Variants in DDAH1 observed in about 807,000 individuals in gnomAD.
DDAH1 encodes dimethylarginine dimethylaminohydrolase 1.
Under a neutral mutation model 28.8 loss-of-function variants are expected in DDAH1, and 19 were observed. That is an observed-to-expected ratio of 0.66 (90% CI 0.46 to 0.97). The LOEUF (loss-of-function observed/expected upper bound fraction) is 0.97. Ranked by LOEUF, DDAH1 falls within the 50% of genes least tolerant of loss-of-function variation. The pLI is 0.00. For missense variants in DDAH1, 326 were observed against 375.9 expected (o/e 0.87, Z 1.10); for synonymous variants, 153 against 154.4 (o/e 0.99, Z 0.07).
intron 2 of DDAH1, among the ~76,000 whole-genome samples, chr1:85,473,887 C>T (rs931351475): frequency 2.0e-5 from 3 of 152,188 alleles, no homozygotes; most frequent in Non-Finnish European, 4.4e-5. Flanking sequence ...TTCAAATACA[C>T]CCCAGTGCCA....
At chr1:85,345,466 G>A (rs903942826) in intron 4 of DDAH1, among the ~76,000 whole-genome samples, 3 of 152,136 alleles carry the variant, frequency 2.0e-5, no homozygotes, top group Non-Finnish European at 4.4e-5. Context: ...CAGACTTGCT[G>A]TTAAATATCT....
At chr1:85,485,647 A>C (rs946431450) in intron 2 of DDAH1, among the ~76,000 whole-genome samples, 3 of 152,190 alleles carry the variant, frequency 2.0e-5, no homozygotes, top group African/African-American at 7.2e-5. Flanking sequence ...TTTTGCTCAA[A>C]TGTATACTGA....
At chr1:85,570,883 A>AAAAAG (rs1188122090) in intron 1 of DDAH1, among the ~76,000 whole-genome samples, 1 of 152,222 alleles carries the variant, frequency 6.6e-6, no homozygotes, top group African/African-American at 2.4e-5. Flanking sequence ...TAACAAAAAA[A>AAAAAG]AAAAGAGAGA....
At chr1:85,428,247 C>A (rs1653502848) in intron 1 of DDAH1, among the ~76,000 whole-genome samples, 1 of 152,172 alleles carries the variant, frequency 6.6e-6, no homozygotes. Context: ...TAAAGACATA[C>A]TTGAGACTGG....
At chr1:85,404,310 G>C in intron 1 of DDAH1, 1 of 1,454,316 alleles carries the variant, frequency 6.9e-7, no homozygotes, top group Non-Finnish European at 9.3e-7. Flanking sequence ...ACTTCTGCCT[G>C]TAGGATTGCA....
chr1:85,477,742 T>C (rs542122466), intron 2 of DDAH1, among the ~76,000 whole-genome samples: 2 of 152,156 alleles, frequency 1.3e-5, no homozygotes, highest in Admixed American at 1.3e-4. Flanking sequence ...TGGTAATTTG[T>C]GTTCATACAG....
chr1:85,389,539 A>T (rs1404408017), intron 1 of DDAH1, among the ~76,000 whole-genome samples: 1 of 152,090 alleles, frequency 6.6e-6, no homozygotes, highest in Admixed American at 6.6e-5. Flanking sequence ...TCAATGCTTT[A>T]CTCACTTAGT....
At chr1:85,564,232 A>T (rs1274113020) in intron 1 of DDAH1, among the ~76,000 whole-genome samples, 1 of 152,164 alleles carries the variant, frequency 6.6e-6, no homozygotes. Context: ...AATATATATA[A>T]TAAATGTGAT....
At chr1:85,507,397 G>A (rs922466702) in intron 1 of DDAH1, among the ~76,000 whole-genome samples, 18 of 152,028 alleles carry the variant, frequency 1.2e-4, no homozygotes, top group Non-Finnish European at 1.5e-5. Context: ...CAGCTACTTG[G>A]GAGGCTGAGG....
chr1:85,441,420 A>T (rs1354918925), intron 1 of DDAH1, among the ~76,000 whole-genome samples: 1 of 152,170 alleles, frequency 6.6e-6, no homozygotes, highest in African/African-American at 2.4e-5. Context: ...ATGCGCCTGT[A>T]GTCTCAGCTA....
At chr1:85,351,403 C>G in intron 3 of DDAH1, 103 bp downstream of exon 3, 1 of 887,984 alleles carries the variant, frequency 1.1e-6, no homozygotes, top group South Asian at 1.5e-5. Flanking sequence ...TTGTACAAAG[C>G]CAGTGAAGCG....
chr1:85,392,461 T>G (rs1557570935), intron 1 of DDAH1, among the ~76,000 whole-genome samples: 1 of 152,142 alleles, frequency 6.6e-6, no homozygotes, highest in African/African-American at 2.4e-5. Context: ...AGGGTATCAA[T>G]TCAACTCATA....
intron 2 of DDAH1, among the ~76,000 whole-genome samples, chr1:85,353,264 T>G (rs569316189): frequency 6.6e-6 from 1 of 152,308 alleles, no homozygotes; most frequent in South Asian, 2.1e-4. Flanking sequence ...CATCTTCCCT[T>G]TATTTATTGA....
intron 2 of DDAH1, among the ~76,000 whole-genome samples, chr1:85,356,477 A>G (rs1447456729): frequency 6.6e-6 from 1 of 152,256 alleles, no homozygotes; most frequent in Non-Finnish European, 1.5e-5. Context: ...TAATAGTTGT[A>G]TAACATTATG....
intron 2 of DDAH1, among the ~76,000 whole-genome samples, chr1:85,487,257 G>A (rs1656236589): frequency 6.6e-6 from 1 of 152,192 alleles, no homozygotes; most frequent in Non-Finnish European, 1.5e-5. Context: ...GAGAACTTGT[G>A]GCTATCACCT....
rs140717214 is a variant in DDAH1 at position 85,425,307 on chromosome 1, C to T, written c.303+39436G>A. ...ATCTCTGCAAGCTAGTAATTTTACT[C>T]AGTTTTCTTCAAATATTTTTTTTTA... On this transcript the variant is annotated intron_variant, in intron 1 of 5. Transcript: ENST00000284031. 2.8e-4 allele frequency among the ~76,000 whole-genome samples: 42 copies of T among 152,140 alleles called. 1 individual carries two copies. The East Asian group carries it at 8.1e-3, about 29-fold the overall frequency.
chr1:85,358,176 T>G lies in DDAH1; in HGVS notation c.403+572A>C, dbSNP rs544371216. Among the ~76,000 whole-genome samples, 9 of 150,978 alleles carry G rather than the reference T, an allele frequency of 6.0e-5. 1 individual carries two copies. In the South Asian group the frequency reaches 1.5e-3, roughly 24 times the overall value. The stretch of plus-strand genomic sequence containing the variant: ...AGAAGCAAGATACAAAGTGGTGATG[T>G]ACATACCAATAATGTTCTTGTAAAA... On this transcript the variant is annotated intron_variant, in intron 2 of 5. Transcript: ENST00000284031.
At chr1:85,483,274 T>G (rs986337731) in intron 2 of DDAH1, among the ~76,000 whole-genome samples, 3 of 151,894 alleles carry the variant, frequency 2.0e-5, no homozygotes, top group African/African-American at 7.3e-5. Context: ...GTCCCCTTAT[T>G]TTGACCAACA....
At chr1:85,473,574 C>T (rs1655693279) in intron 2 of DDAH1, among the ~76,000 whole-genome samples, 1 of 151,742 alleles carries the variant, frequency 6.6e-6, no homozygotes, top group African/African-American at 2.4e-5. Context: ...TTACGAAGCA[C>T]AGAGAAATGC....
Sources: allele counts gnomAD v4.1 joint callset (sites outside exome capture counted in the v4.1 genomes callset), GRCh38; gene constraint gnomAD v4.1.1; transcripts MANE v1.5; gene names NCBI Gene and HGNC (gene_info 2026-07-23, HGNC 2026-07-21).